The following BANK1 variants were observed in gnomAD, a reference collection of about 807,000 sequenced individuals.
The protein encoded by BANK1 is B cell scaffold protein with ankyrin repeats 1, also known as B-cell scaffold protein with ankyrin repeats.
In BANK1, 95 loss-of-function variants were observed where a neutral mutation model predicts 94.5. That is an observed-to-expected ratio of 1.00 (90% confidence interval 0.85 to 1.19). The LOEUF (loss-of-function observed/expected upper bound fraction) is 1.19, where lower values mean the gene tolerates loss of function less well. Among genes scored for constraint, BANK1 ranks in the 50% most tolerant of loss-of-function variants. BANK1 has a pLI of 0.00. For missense variants in BANK1, 987 were observed against 932.2 expected, an observed-to-expected ratio of 1.06 and a Z score of -0.77; for synonymous variants, 334 against 308.4, an observed-to-expected ratio of 1.08 and a Z score of -0.87.
chr4:102,063,146 A>T lies in BANK1; in HGVS notation c.2212+8A>T, dbSNP rs779617046. 2 of 1,606,914 alleles carry T rather than the reference A, an allele frequency of 1.2e-6. No individual in the cohort carries two copies. The highest frequency in any genetic ancestry group is 1.7e-6 in the Non-Finnish European group (2 of 1,173,736). On this transcript the variant is annotated splice_region_variant and intron_variant, in intron 13 of 16. Transcript: ENST00000322953. ...AAGAAGAAAATGTCTATAGTAAGTA[A>T]GATTCGCCTGCTATTCAAAAATAAT...
intron 7 of BANK1, among the ~76,000 whole-genome samples, chr4:101,919,043 A>G (rs760914966): frequency 6.6e-6 from 1 of 151,968 alleles, no homozygotes; most frequent in African/African-American, 2.4e-5. Context: ...ATTGTCATAT[A>G]TGCTAGTTTT....
Position 101,855,289 on chromosome 4 carries a change from G to C in BANK1, c.624+100G>C, listed in dbSNP as rs769273368. ...AGACAGGGTCTCATTAGGTTGCCCA[G>C]GCTGGTCTTTAACTCCTGGCCTCAA... On this transcript the variant is annotated intron_variant, in intron 3 of 16. Coordinates refer to ENST00000322953, the MANE Select transcript of BANK1 (RefSeq NM_017935.5). The C allele has an allele frequency of 4.5e-4, 554 of 1,242,682 alleles. 1 individual carries two copies. In the Middle Eastern group the frequency reaches 0.011, roughly 24 times the overall value. The allele number at this position is 1,242,682 out of a possible 1,614,324, so 77.0% of individuals were successfully genotyped here.
At chr4:101,943,788 TTTTGTA>T (rs1345143860) in intron 7 of BANK1, among the ~76,000 whole-genome samples, 1 of 151,896 alleles carries the variant, frequency 6.6e-6, no homozygotes, top group Non-Finnish European at 1.5e-5. Context: ...TTTCATAGCA[TTTTGTA>T]TTCATTGTTA....
At chr4:101,879,017 A>T (rs1221187636) in intron 5 of BANK1, among the ~76,000 whole-genome samples, 5 of 152,076 alleles carry the variant, frequency 3.3e-5, no homozygotes, top group Non-Finnish European at 7.4e-5. Flanking sequence ...AAAAATGTTA[A>T]ATAAACAATG....
chr4:101,988,535 T>G (rs752536786), intron 7 of BANK1, among the ~76,000 whole-genome samples: 1 of 152,184 alleles, frequency 6.6e-6, no homozygotes, highest in Non-Finnish European at 1.5e-5. Flanking sequence ...TTTGAAAATA[T>G]TTTAGTACAA....
intron 7 of BANK1, among the ~76,000 whole-genome samples, chr4:101,985,247 C>T (rs1254178824): frequency 6.6e-6 from 1 of 152,138 alleles, no homozygotes; most frequent in African/African-American, 2.4e-5. Flanking sequence ...CTTTCTTGTT[C>T]AGCCTTTTAT....
chr4:101,812,275 G>A (rs1358270346), intron 1 of BANK1, among the ~76,000 whole-genome samples: 1 of 151,794 alleles, frequency 6.6e-6, no homozygotes, highest in Non-Finnish European at 1.5e-5. Context: ...ATTTTTAAGT[G>A]TCTGTTGCTG....
At chr4:102,054,322 G>A (rs1376558948) in intron 11 of BANK1, among the ~76,000 whole-genome samples, 1 of 152,012 alleles carries the variant, frequency 6.6e-6, no homozygotes, top group Non-Finnish European at 1.5e-5. Context: ...CAACTTTCCT[G>A]AGCTTTAACA....
chr4:102,071,204 A>G, intron 13 of BANK1, 71 bp from the exon 14 acceptor site: 1 of 1,521,608 alleles, frequency 6.6e-7, no homozygotes, highest in Non-Finnish European at 9.1e-7. Flanking sequence ...AACAATTAAA[A>G]AAATAAGAGA....
At chr4:101,981,688 C>T (rs910306185) in intron 7 of BANK1, among the ~76,000 whole-genome samples, 5 of 152,008 alleles carry the variant, frequency 3.3e-5, no homozygotes, top group African/African-American at 9.7e-5. Context: ...GTTCCCTCAT[C>T]GGTTAAAATG....
chr4:102,044,277 C>G (rs922640705), intron 11 of BANK1, among the ~76,000 whole-genome samples: 1 of 152,012 alleles, frequency 6.6e-6, no homozygotes, highest in African/African-American at 2.4e-5. Context: ...TGAGAACATG[C>G]GGTGTTTGGT....
chr4:101,995,472 T>G (rs966133403), intron 7 of BANK1, among the ~76,000 whole-genome samples: 5 of 152,162 alleles, frequency 3.3e-5, no homozygotes, highest in African/African-American at 9.7e-5. Context: ...GTAATGGGAT[T>G]GCTGGGTCAA....
At chr4:102,058,605 T>C (rs1445082062) in intron 11 of BANK1, among the ~76,000 whole-genome samples, 1 of 151,856 alleles carries the variant, frequency 6.6e-6, no homozygotes, top group Non-Finnish European at 1.5e-5. Context: ...TGTATACCCT[T>C]AGAATAAAAG....
rs1727016193 is a variant in BANK1, at chr4:102,024,587, T to C, written c.1286-614T>C. 3.3e-5 allele frequency among the ~76,000 whole-genome samples: 5 copies of C among 152,108 alleles called. No homozygotes were observed. The South Asian group carries it at 1.0e-3, about 32-fold the overall frequency. The stretch of plus-strand genomic sequence containing the variant: ...TAGAATGCATTTATAGGTAAAGAAC[T>C]GATCCTCAGAAAGATTTACCTACTG... On this transcript the variant is annotated intron_variant, in intron 8 of 16. Coordinates refer to ENST00000322953, the MANE Select transcript of BANK1 (RefSeq NM_017935.5).
intron 8 of BANK1, among the ~76,000 whole-genome samples, chr4:102,024,949 G>A (rs180851671): frequency 8.5e-5 from 13 of 152,186 alleles, no homozygotes; most frequent in East Asian, 1.9e-4. Context: ...TCAGAATATC[G>A]TTATCTGCAT....
intron 2 of BANK1, among the ~76,000 whole-genome samples, chr4:101,832,415 C>CT (rs1269921569): frequency 1.3e-5 from 2 of 152,062 alleles, no homozygotes; most frequent in Admixed American, 6.5e-5. Context: ...TCAGGGACTC[C>CT]TTTTTTATGT....
chr4:102,033,824 AG>A (rs1432517120), intron 10 of BANK1, among the ~76,000 whole-genome samples: 1 of 152,236 alleles, frequency 6.6e-6, no homozygotes, highest in Non-Finnish European at 1.5e-5. Flanking sequence ...AAGTAGCAAA[AG>A]CTGGACTACA....
chr4:101,891,577 C>T (rs1721869194), intron 5 of BANK1, among the ~76,000 whole-genome samples: 1 of 151,950 alleles, frequency 6.6e-6, no homozygotes, highest in Admixed American at 6.6e-5. Flanking sequence ...GCTTTTTCAT[C>T]CCCACCCTGT....
intron 5 of BANK1, among the ~76,000 whole-genome samples, chr4:101,878,262 A>G (rs758702526): frequency 6.6e-6 from 1 of 152,216 alleles, no homozygotes; most frequent in South Asian, 2.1e-4. Context: ...GGATGAAAAA[A>G]GATATCCCAT....
Sources: gnomAD v4.1 joint callset for allele counts (sites outside exome capture counted in the v4.1 genomes callset) on GRCh38, gnomAD v4.1.1 for gene constraint, MANE v1.5 for transcripts, NCBI Gene and HGNC (gene_info 2026-07-23, HGNC 2026-07-21) for gene names.